Variants in RASSF8 observed in about 807,000 individuals in gnomAD.
RASSF8 encodes the protein Ras association domain family member 8, also known as ras association domain-containing protein 8.
A neutral mutation model predicts 48.5 loss-of-function variants in RASSF8; 22 were observed. The ratio of observed to expected loss-of-function variants is 0.45; its 90% CI spans 0.32 to 0.65. The LOEUF (loss-of-function observed/expected upper bound fraction) is 0.65, where lower values mean the gene tolerates loss of function less well. Ranked by LOEUF, RASSF8 falls within the 30% of genes least tolerant of loss-of-function variation. RASSF8 has a pLI of 0.03. For missense variants in RASSF8, 418 were observed against 489.2 expected, an observed-to-expected ratio of 0.85 and a Z score of 1.37; for synonymous variants, 127 against 171.5, an observed-to-expected ratio of 0.74 and a Z score of 2.03.
intron 1 of RASSF8, among the ~76,000 whole-genome samples, chr12:25,976,367 A>C (rs776577102): frequency 6.6e-6 from 1 of 152,220 alleles, no homozygotes; most frequent in African/African-American, 2.4e-5. Flanking sequence ...TTCCAGCCTC[A>C]GAGTGGTTGC....
At chr12:26,033,298 T>A (rs1374395725) in intron 2 of RASSF8, among the ~76,000 whole-genome samples, 1 of 152,198 alleles carries the variant, frequency 6.6e-6, no homozygotes, top group African/African-American at 2.4e-5. Context: ...CATGTATGTA[T>A]TGAAGCACTA....
chr12:25,990,757 A>G (rs10771254), intron 1 of RASSF8, among the ~76,000 whole-genome samples: 110,700 of 152,154 alleles, frequency 0.73, 40,312 homozygotes, highest in South Asian at 0.77. Flanking sequence ...AAATTTAGGA[A>G]TAGTTTAGAA....
At chr12:26,062,193 G>C (rs1034079387) in intron 3 of RASSF8, among the ~76,000 whole-genome samples, 1 of 152,210 alleles carries the variant, frequency 6.6e-6, no homozygotes, top group Non-Finnish European at 1.5e-5. Context: ...AAAAGCAGTT[G>C]ATAGGCATAG....
downstream of RASSF8, among the ~76,000 whole-genome samples, chr12:26,076,805 G>T (rs1359389146): frequency 6.6e-6 from 1 of 152,144 alleles, no homozygotes; most frequent in Non-Finnish European, 1.5e-5. Flanking sequence ...GGGTCAGATG[G>T]TATTTCTAGT....
chr12:26,070,121 G>GT lies in RASSF8; in HGVS notation c.*1304dup, dbSNP rs1426062342. 2.1e-6 allele frequency: 2 copies of GT among 971,622 alleles called. No individual in the cohort carries two copies. Among genetic ancestry groups the GT allele is most frequent in the African/African-American group, 3.5e-5 (2 of 56,888 alleles). 60.2% of individuals were successfully genotyped at this position (971,622 alleles called of 1,614,324 possible). On this transcript the variant is annotated 3_prime_UTR_variant, in exon 6 of 6. Transcript: ENST00000689635. ...ATTCCCTCTGGTTAGATTTGGTACA[G>GT]TATAATTAAGACTTTAATCTGAAAT... is the stretch of plus-strand genomic sequence containing the variant.
chr12:26,066,786 C>T lies in RASSF8; in HGVS notation c.994-783C>T, dbSNP rs146211611. Among the ~76,000 whole-genome samples the T allele has an allele frequency of 2.4e-3, 365 of 152,294 alleles. 2 individuals are homozygous for T. The highest frequency in any genetic ancestry group is 8.3e-3 in the African/African-American group (343 of 41,556). The stretch of plus-strand genomic sequence containing the variant: ...CCCAACCCCTACCAAATCCTTGGGA[C>T]CCACCCAGCCTGGGTAGAGCCAGGG... On this transcript the variant is annotated intron_variant, in intron 4 of 5. Coordinates refer to ENST00000689635, the MANE Select transcript of RASSF8 (RefSeq NM_001394098.1).
At chr12:26,026,856 CAT>C (rs1185783675) in intron 2 of RASSF8, among the ~76,000 whole-genome samples, 1 of 152,194 alleles carries the variant, frequency 6.6e-6, no homozygotes, top group Non-Finnish European at 1.5e-5. Context: ...AAATGTTACA[CAT>C]AGAGTTATCA....
At chr12:25,985,037 TC>T (rs1941839555) in intron 1 of RASSF8, among the ~76,000 whole-genome samples, 1 of 152,172 alleles carries the variant, frequency 6.6e-6, no homozygotes, top group Admixed American at 6.5e-5. Context: ...CTTGAGCCTT[TC>T]ATTTTTCAGA....
chr12:26,007,842 G>A (rs1050586969), intron 2 of RASSF8, among the ~76,000 whole-genome samples: 1 of 152,210 alleles, frequency 6.6e-6, no homozygotes, highest in Non-Finnish European at 1.5e-5. Flanking sequence ...ATAAGCAGAA[G>A]TAGTAACAAT....
intron 2 of RASSF8, among the ~76,000 whole-genome samples, chr12:26,040,830 T>C (rs1246566340): frequency 1.3e-5 from 2 of 152,134 alleles, no homozygotes; most frequent in African/African-American, 4.8e-5. Context: ...TGTTAGACTA[T>C]GATTTTTGCG....
chr12:26,071,856 C>T lies in RASSF8; in HGVS notation c.*3038C>T, dbSNP rs1435147267. 11 of 983,722 alleles carry T rather than the reference C, an allele frequency of 1.1e-5. No individual in the cohort carries two copies. Among genetic ancestry groups the T allele is most frequent in the Non-Finnish European group, 1.3e-5 (11 of 828,572 alleles). The allele number at this position is 983,722 out of a possible 1,614,324, so 60.9% of individuals were successfully genotyped here. On this transcript the variant is annotated 3_prime_UTR_variant, in exon 6 of 6. Transcript: ENST00000689635. Reference sequence around the variant, plus strand: ...TTATGGTGTGAAATATGAAGTATAGCAATATATAACAAGAACATGTAAGCA... The same window carrying T: ...TTATGGTGTGAAATATGAAGTATAGTAATATATAACAAGAACATGTAAGCA...
chr12:25,983,396 A>G (rs1461781635), intron 1 of RASSF8, among the ~76,000 whole-genome samples: 2 of 152,242 alleles, frequency 1.3e-5, no homozygotes, highest in Non-Finnish European at 2.9e-5. Context: ...TGACCCACAG[A>G]AAGAAATTCA....
At chr12:25,995,348 T>A (rs114755687) in intron 2 of RASSF8, among the ~76,000 whole-genome samples, 2,060 of 152,238 alleles carry the variant, frequency 0.014, 36 homozygotes, top group African/African-American at 0.04. Context: ...AATTCCTAGG[T>A]CCAAATTTGG....
intron 2 of RASSF8, among the ~76,000 whole-genome samples, chr12:26,054,864 T>A (rs1000653233): frequency 6.6e-6 from 1 of 152,178 alleles, no homozygotes; most frequent in Non-Finnish European, 1.5e-5. Flanking sequence ...TATTGATAAT[T>A]CCTAAAATGA....
chr12:26,072,446 A>G lies in RASSF8; in HGVS notation c.*3628A>G. The G allele has an allele frequency of 1.0e-6, 1 of 973,350 alleles. No homozygotes were observed. The highest frequency in any genetic ancestry group is 4.8e-5 in the South Asian group (1 of 21,002). The allele number at this position is 973,350 out of a possible 1,614,324, so 60.3% of individuals were successfully genotyped here. ...CAATGCATTTTATATATTTTTAGAAACCAAATAAATGCAGAAAACTATTTC... is the reference window on the plus strand; with the variant it reads ...CAATGCATTTTATATATTTTTAGAAGCCAAATAAATGCAGAAAACTATTTC... On this transcript the variant is annotated 3_prime_UTR_variant, in exon 6 of 6. Transcript: ENST00000689635.
intron 2 of RASSF8, among the ~76,000 whole-genome samples, chr12:26,046,069 T>G (rs10842659): frequency 0.41 from 62,941 of 152,082 alleles, 13,835 homozygotes; most frequent in Non-Finnish European, 0.5. Context: ...CCTGCTTTAC[T>G]GAGATGAGAG....
chr12:26,044,036 TA>T (rs1943321491), intron 2 of RASSF8, among the ~76,000 whole-genome samples: 1 of 152,216 alleles, frequency 6.6e-6, no homozygotes, highest in Non-Finnish European at 1.5e-5. Flanking sequence ...ATACTGCAAT[TA>T]AAATGTTTCT....
At chr12:25,959,865 C>G (rs1941188165) in intron 1 of RASSF8, 1 of 152,172 alleles carries the variant, frequency 6.6e-6, no homozygotes, top group Non-Finnish European at 1.5e-5. Context: ...CCTGGTGTTG[C>G]TAAACCACTA....
intron 2 of RASSF8, among the ~76,000 whole-genome samples, chr12:26,045,662 G>T (rs1943357625): frequency 6.6e-6 from 1 of 152,094 alleles, no homozygotes; most frequent in South Asian, 2.1e-4. Context: ...GTTCTTGTTT[G>T]TCAGGATTTA....
Sources: gnomAD v4.1 joint callset for allele counts (sites outside exome capture counted in the v4.1 genomes callset) on GRCh38, gnomAD v4.1.1 for gene constraint, MANE v1.5 for transcripts, NCBI Gene and HGNC (gene_info 2026-07-23, HGNC 2026-07-21) for gene names.